MAOB: variants seen among roughly 807,000 people sequenced by gnomAD.
MAOB encodes amine oxidase [flavin-containing] B.
Under a neutral mutation model 41.9 loss-of-function variants are expected in MAOB, and 15 were observed. That is an observed-to-expected ratio of 0.36 (90% confidence interval 0.24 to 0.55). The LOEUF is 0.55. Among genes scored for constraint, MAOB ranks in the 20% least tolerant of loss-of-function variants. The probability of loss-of-function intolerance (pLI) is 0.86; values close to 1 mark genes in which losing one functional copy is unlikely to be tolerated. For synonymous variants in MAOB, 167 were observed against 144.2 expected (o/e 1.16, Z -1.13); for missense variants, 345 against 398.7 (o/e 0.87, Z 1.15).
intron 3 of MAOB, among the ~76,000 whole-genome samples, chrX:43,821,050 T>C (rs1184941853): frequency 8.9e-6 from 1 of 111,855 alleles, no homozygotes; most frequent in Non-Finnish European, 1.9e-5. Flanking sequence ...ATATGCAAAG[T>C]TCTTAGAAGG....
At position 43,882,431 on chromosome X, in the gene MAOB, C is replaced by G; in HGVS notation, c.-132G>C. ...TGCGCGCTGCCCCCGTGCACCAGCG[C>G]CTCGGCGAGCCGCTATATTACCAGC... On this transcript the variant is annotated 5_prime_UTR_variant, in exon 1 of 15. Transcript: ENST00000378069. The G allele has an allele frequency of 9.8e-7, 1 of 1,021,950 alleles. No individual in the cohort carries two copies. 84.2% of individuals were successfully genotyped at this position (1,021,950 alleles called of 1,213,427 possible). A position where few individuals can be genotyped will look rare whatever the true frequency, so the allele number is the denominator to read the frequency against.
At chrX:43,823,053 G>A (rs992399145) in intron 3 of MAOB, among the ~76,000 whole-genome samples, 6 of 110,377 alleles carry the variant, frequency 5.4e-5, no homozygotes, top group South Asian at 3.9e-4. Context: ...GAGGCACAGA[G>A]AGGTTAAGAA....
chrX:43,868,727 T>A (rs1196590640), intron 1 of MAOB, among the ~76,000 whole-genome samples: 1 of 111,635 alleles, frequency 9.0e-6, no homozygotes, highest in Non-Finnish European at 1.9e-5. Flanking sequence ...GATCTTAGCA[T>A]CCATTCTAAC....
At chrX:43,813,273 C>T (rs2034769866) in intron 3 of MAOB, among the ~76,000 whole-genome samples, 1 of 111,952 alleles carries the variant, frequency 8.9e-6, no homozygotes, top group African/African-American at 3.3e-5. Flanking sequence ...TTAATCCTCA[C>T]AAAGATCCAG....
At chrX:43,831,394 C>A (rs1316773131) in intron 3 of MAOB, among the ~76,000 whole-genome samples, 1 of 110,531 alleles carries the variant, frequency 9.0e-6, no homozygotes, top group Non-Finnish European at 1.9e-5. Flanking sequence ...AAGAAAGCAA[C>A]GAATTACTCC....
At chrX:43,808,829 T>C (rs780031217) in intron 3 of MAOB, among the ~76,000 whole-genome samples, 37 of 110,324 alleles carry the variant, frequency 3.4e-4, no homozygotes, top group Non-Finnish European at 6.1e-4. Context: ...CTCAGCCTCC[T>C]GAGTAGCTGG....
intron 5 of MAOB, among the ~76,000 whole-genome samples, chrX:43,797,927 AT>A (rs1452814917): frequency 8.9e-6 from 1 of 111,967 alleles, no homozygotes; most frequent in Non-Finnish European, 1.9e-5. Flanking sequence ...TAAGATTCAG[AT>A]CTTACACCAT....
At chrX:43,816,579 A>T (rs1171469808) in intron 3 of MAOB, among the ~76,000 whole-genome samples, 1 of 111,719 alleles carries the variant, frequency 9.0e-6, no homozygotes, top group Non-Finnish European at 1.9e-5. Context: ...GTAGAAAGAG[A>T]CTTCAACTTT....
intron 1 of MAOB, among the ~76,000 whole-genome samples, chrX:43,879,831 C>T (rs748059268): frequency 2.7e-5 from 3 of 112,179 alleles, no homozygotes; most frequent in Non-Finnish European, 3.8e-5. Context: ...GGCAACTCTC[C>T]GCAATGAAGT....
chrX:43,863,637 A>G (rs1352708299), intron 1 of MAOB, among the ~76,000 whole-genome samples: 2 of 111,836 alleles, frequency 1.8e-5, no homozygotes, highest in Non-Finnish European at 3.8e-5. Context: ...AATTTCATTT[A>G]CTGGACTATT....
intron 3 of MAOB, among the ~76,000 whole-genome samples, chrX:43,824,054 G>A (rs747534179): frequency 8.0e-5 from 9 of 112,145 alleles, no homozygotes; most frequent in Admixed American, 2.8e-4. Flanking sequence ...GTGTAGTTTC[G>A]AAGTGCTCCT....
intron 3 of MAOB, among the ~76,000 whole-genome samples, chrX:43,809,413 G>A (rs190805178): frequency 1.8e-5 from 2 of 112,598 alleles, no homozygotes; most frequent in East Asian, 5.6e-4. Context: ...CTATCATGAA[G>A]CAGAATAAAA....
chrX:43,866,692 T>A (rs915725056), intron 1 of MAOB, among the ~76,000 whole-genome samples: 17 of 112,768 alleles, frequency 1.5e-4, no homozygotes, highest in African/African-American at 5.2e-4. Context: ...ACTGTACACC[T>A]AAAACAGTTA....
At chrX:43,881,506 C>G (rs1325548579) in intron 1 of MAOB, among the ~76,000 whole-genome samples, 1 of 112,226 alleles carries the variant, frequency 8.9e-6, no homozygotes, top group African/African-American at 3.2e-5. Context: ...ACCACTACCC[C>G]CATCCCTTCT....
intron 1 of MAOB, among the ~76,000 whole-genome samples, chrX:43,876,197 CA>C (rs2147183691): frequency 9.0e-6 from 1 of 111,571 alleles, no homozygotes; most frequent in Non-Finnish European, 1.9e-5. Context: ...TGACCTCAAG[CA>C]ATCCACCCAC....
Position 43,839,116 on chromosome X carries a change from A to C in MAOB, c.142-111T>G, listed in dbSNP as rs1016693272. ...ATTTCACAAGTTATAGATACAGCTT[A>C]AGGGTATATCCACGAAAAACTAGAT... On this transcript the variant is annotated intron_variant, in intron 2 of 14. Transcript: ENST00000378069. 7.8e-6 allele frequency: 4 copies of C among 514,272 alleles called. No individual in the cohort carries two copies. The African/African-American group carries it at 9.6e-5, about 12-fold the overall frequency. The allele number at this position is 514,272 out of a possible 1,213,427, so 42.4% of individuals were successfully genotyped here. A position where few individuals can be genotyped will look rare whatever the true frequency, so the allele number is the denominator to read the frequency against.
chrX:43,859,928 A>G (rs370863867), intron 1 of MAOB, among the ~76,000 whole-genome samples: 1 of 111,727 alleles, frequency 9.0e-6, no homozygotes, highest in East Asian at 2.8e-4. Context: ...TCAGACTTTC[A>G]TCTCTACTAT....
At position 43,797,254 on chromosome X, in the gene MAOB, C is replaced by T. The variant is rs770805107; in HGVS notation, c.489G>A (p.Gln163=). 4 of 1,195,038 alleles carry T rather than the reference C, an allele frequency of 3.3e-6. No homozygotes were observed. The highest frequency in any genetic ancestry group is 4.5e-6 in the Non-Finnish European group (4 of 887,687). ...DKLCWTESAK[Q]LATLFVNLCV... ...ACAGGTTCACAAAGAGAGTGGCAAGCTGCTTTGCAGATCTGCACAGGAAGA... is the reference window on the plus strand; with the variant it reads ...ACAGGTTCACAAAGAGAGTGGCAAGTTGCTTTGCAGATCTGCACAGGAAGA... The change falls in exon 6 of 15, where the codon CAG becomes CAA. Residue 163 remains glutamine (Q), a synonymous_variant. Coordinates refer to ENST00000378069, the MANE Select transcript of MAOB (RefSeq NM_000898.5).
At chrX:43,771,086 T>C (rs2034176255) in intron 12 of MAOB, among the ~76,000 whole-genome samples, 1 of 111,945 alleles carries the variant, frequency 8.9e-6, no homozygotes, top group Non-Finnish European at 1.9e-5. Flanking sequence ...TTCTTTCACC[T>C]GCTCTGATTG....
Sources: allele counts gnomAD v4.1 joint callset (sites outside exome capture counted in the v4.1 genomes callset), GRCh38; gene constraint gnomAD v4.1.1; transcripts MANE v1.5; gene names NCBI Gene and HGNC (gene_info 2026-07-23, HGNC 2026-07-21).